PTPRD: variants seen among roughly 807,000 people sequenced by gnomAD.
PTPRD encodes protein tyrosine phosphatase receptor type D, also known as receptor-type tyrosine-protein phosphatase delta.
PTPRD carries 34 observed loss-of-function variants against 214.5 expected under a neutral mutation model. The ratio of observed to expected loss-of-function variants is 0.16; its 90% CI spans 0.12 to 0.21. The LOEUF (loss-of-function observed/expected upper bound fraction) is 0.21, where lower values mean the gene tolerates loss of function less well. Ranked by LOEUF, PTPRD falls within the 10% of genes least tolerant of loss-of-function variation. PTPRD has a pLI of 1.00. For missense variants in PTPRD, 2,545 were observed against 2,398.7 expected (o/e 1.06, Z -1.27); for synonymous variants, 1,128 against 845.7 (o/e 1.33, Z -5.79).
intron 33 of PTPRD, among the ~76,000 whole-genome samples, chr9:8,450,220 T>C (rs1201258140): frequency 6.6e-6 from 1 of 152,192 alleles, no homozygotes; most frequent in East Asian, 1.9e-4. Context: ...ACTAAGACTG[T>C]TGTTACCATA....
At chr9:9,101,488 T>C (rs912704321) in intron 10 of PTPRD, among the ~76,000 whole-genome samples, 2 of 152,178 alleles carry the variant, frequency 1.3e-5, no homozygotes, top group South Asian at 4.1e-4. Flanking sequence ...ATATTCTTGA[T>C]GCATTAATGA....
intron 9 of PTPRD, among the ~76,000 whole-genome samples, chr9:9,272,511 G>C (rs921201122): frequency 1.3e-5 from 2 of 151,170 alleles, no homozygotes; most frequent in Admixed American, 1.3e-4. Context: ...AGCCAAACTT[G>C]GTGGAATAAG....
At chr9:9,843,756 T>C (rs74870637) in intron 5 of PTPRD, among the ~76,000 whole-genome samples, 4,463 of 152,096 alleles carry the variant, frequency 0.029, 86 homozygotes, top group Middle Eastern at 0.068. Context: ...AAACAAGATA[T>C]AAATTGCTGA....
At chr9:10,241,438 G>A (rs972970149) in intron 3 of PTPRD, among the ~76,000 whole-genome samples, 1 of 151,932 alleles carries the variant, frequency 6.6e-6, no homozygotes, top group Non-Finnish European at 1.5e-5. Context: ...GCCAAGAACT[G>A]ACAAGAGTAG....
chr9:8,846,517 G>A (rs1236388386), intron 11 of PTPRD, among the ~76,000 whole-genome samples: 1 of 152,110 alleles, frequency 6.6e-6, no homozygotes, highest in Non-Finnish European at 1.5e-5. Context: ...CCCAGAGAAA[G>A]GTACCCAGAC....
chr9:10,527,419 T>C (rs1336000), intron 2 of PTPRD, among the ~76,000 whole-genome samples: 6,792 of 152,266 alleles, frequency 0.045, 172 homozygotes, highest in Middle Eastern at 0.11. Context: ...AGATTATGTA[T>C]TCAATGATAA....
intron 4 of PTPRD, among the ~76,000 whole-genome samples, chr9:9,999,501 A>C (rs937451953): frequency 6.6e-6 from 1 of 152,204 alleles, no homozygotes; most frequent in African/African-American, 2.4e-5. Flanking sequence ...ATTTAATTAT[A>C]CATGGGATTG....
chr9:8,746,095 AT>A (rs35333686), intron 11 of PTPRD, among the ~76,000 whole-genome samples: 115 of 146,718 alleles, frequency 7.8e-4, no homozygotes, highest in East Asian at 2.8e-3. Context: ...TGCCCAATCG[AT>A]TTTTTTTTTT....
At chr9:10,167,421 G>T (rs1419151288) in intron 3 of PTPRD, among the ~76,000 whole-genome samples, 2 of 152,100 alleles carry the variant, frequency 1.3e-5, no homozygotes, top group Non-Finnish European at 2.9e-5. Context: ...AGGACTCAAA[G>T]ATACTTGGAT....
In PTPRD at chr9:9,929,741, G is replaced by T. The variant is rs568662498; in HGVS notation, c.-368+8766C>A. 3.1e-4 allele frequency among the ~76,000 whole-genome samples: 47 copies of T among 152,268 alleles called. 1 individual carries two copies. Among genetic ancestry groups the T allele is most frequent in the Admixed American group, 2.6e-3 (40 of 15,302 alleles). On this transcript the variant is annotated intron_variant, in intron 5 of 45. Transcript: ENST00000381196. Reference sequence around the variant, plus strand: ...CTGAAAGAGACAGGGCCTGGATAAGGTTGATTTAATAATGGAGGATGTCCC... The same window carrying T: ...CTGAAAGAGACAGGGCCTGGATAAGTTTGATTTAATAATGGAGGATGTCCC...
At chr9:9,720,217 A>C (rs2097912112) in intron 7 of PTPRD, among the ~76,000 whole-genome samples, 1 of 152,194 alleles carries the variant, frequency 6.6e-6, no homozygotes, top group African/African-American at 2.4e-5. Context: ...GAGCATTTTC[A>C]TCCAAAGTAG....
At position 9,172,829 on chromosome 9, in the gene PTPRD, C is replaced by A. The variant is rs149949515; in HGVS notation, c.-143+10475G>T. 2.7e-3 allele frequency among the ~76,000 whole-genome samples: 408 copies of A among 152,216 alleles called. 1 individual carries two copies. The highest frequency in any genetic ancestry group is 9.5e-3 in the African/African-American group (396 of 41,548). ...GTACTTGCCTGCATTATTCCAATAG[C>A]CTTTATCCTGCACCTGGCACTGTTT... is the stretch of plus-strand genomic sequence containing the variant. On this transcript the variant is annotated intron_variant, in intron 10 of 45. Coordinates refer to ENST00000381196, the MANE Select transcript of PTPRD (RefSeq NM_002839.4).
At chr9:9,208,541 T>C (rs1569562283) in intron 9 of PTPRD, among the ~76,000 whole-genome samples, 1 of 152,062 alleles carries the variant, frequency 6.6e-6, no homozygotes, top group Non-Finnish European at 1.5e-5. Context: ...ATGTTAATAT[T>C]TACATATTTA....
chr9:9,241,546 C>T (rs2130977971), intron 9 of PTPRD, among the ~76,000 whole-genome samples: 1 of 152,170 alleles, frequency 6.6e-6, no homozygotes, highest in South Asian at 2.1e-4. Context: ...TGGTCTCATA[C>T]CTTGAGCACA....
intron 11 of PTPRD, among the ~76,000 whole-genome samples, chr9:8,866,299 G>C (rs1042325659): frequency 3.3e-5 from 5 of 152,020 alleles, no homozygotes; most frequent in African/African-American, 1.2e-4. Context: ...TTATTTATTT[G>C]TGTTCAGTTC....
At chr9:10,591,652 T>C (rs908415001) in intron 2 of PTPRD, among the ~76,000 whole-genome samples, 2 of 152,076 alleles carry the variant, frequency 1.3e-5, no homozygotes, top group African/African-American at 2.4e-5. Context: ...AAAAACACTT[T>C]GGTGGGCAGC....
chr9:10,330,046 CT>C (rs1024192746), intron 3 of PTPRD, among the ~76,000 whole-genome samples: 4 of 151,642 alleles, frequency 2.6e-5, no homozygotes, highest in African/African-American at 9.7e-5. Flanking sequence ...TATTCCTGTA[CT>C]TTTTTTTCTG....
At chr9:9,978,816 C>A (rs1260409408) in intron 4 of PTPRD, among the ~76,000 whole-genome samples, 3 of 151,976 alleles carry the variant, frequency 2.0e-5, no homozygotes, top group African/African-American at 7.2e-5. Context: ...CAGGTACACA[C>A]TGAGATACAT....
Position 8,316,229 on chromosome 9 carries a change from G to A in PTPRD, c.*1645C>T, listed in dbSNP as rs1007785351. On this transcript the variant is annotated 3_prime_UTR_variant, in exon 46 of 46. Transcript: ENST00000381196. Reference sequence around the variant, plus strand: ...AATGCATATTATTCAAAGAGTTTTTGTACATGTGGTAAACAGATAATGCTT... The same window carrying A: ...AATGCATATTATTCAAAGAGTTTTTATACATGTGGTAAACAGATAATGCTT... The A allele has an allele frequency of 2.6e-5, 6 of 229,534 alleles. No individual in the cohort carries two copies. Among genetic ancestry groups the A allele is most frequent in the African/African-American group, 8.9e-5 (4 of 45,052 alleles). 14.2% of individuals were successfully genotyped at this position (229,534 alleles called of 1,614,324 possible).
Sources: allele counts gnomAD v4.1 joint callset (sites outside exome capture counted in the v4.1 genomes callset), GRCh38; gene constraint gnomAD v4.1.1; transcripts MANE v1.5; gene names NCBI Gene and HGNC (gene_info 2026-07-23, HGNC 2026-07-21).